The following WNK2 variants were observed in gnomAD, a reference collection of about 807,000 sequenced individuals.
The protein encoded by WNK2 is serine/threonine-protein kinase WNK2.
WNK2 carries 67 observed loss-of-function variants against 192.1 expected under a neutral mutation model. That is an observed-to-expected ratio of 0.35 (90% CI 0.29 to 0.43). The LOEUF (loss-of-function observed/expected upper bound fraction) is 0.43. Ranked by LOEUF, WNK2 falls within the 20% of genes least tolerant of loss-of-function variation. The pLI, the probability that WNK2 is intolerant of heterozygous loss-of-function variation, is 1.00. For synonymous variants in WNK2, 1,439 were observed against 1,393.9 expected (o/e 1.03, Z -0.72); for missense variants, 2,698 against 3,089.7 (o/e 0.87, Z 3.01).
At chr9:93,243,464 C>A (rs1259951434) in intron 7 of WNK2, among the ~76,000 whole-genome samples, 1 of 152,316 alleles carries the variant, frequency 6.6e-6, no homozygotes, top group African/African-American at 2.4e-5. Context: ...AGCACCTTCA[C>A]CCCCGCTTCT....
At chr9:93,225,661 AATGAAATCTTTTAC>A (rs1837690624) in intron 2 of WNK2, among the ~76,000 whole-genome samples, 1 of 152,210 alleles carries the variant, frequency 6.6e-6, no homozygotes. Context: ...CTGAAACTAC[AATGAAATCTTTTAC>A]ACGTTACTGT....
At chr9:93,191,636 G>A (rs1331838691) in intron 2 of WNK2, among the ~76,000 whole-genome samples, 1 of 152,066 alleles carries the variant, frequency 6.6e-6, no homozygotes, top group Non-Finnish European at 1.5e-5. Context: ...TTACAGGGCT[G>A]GTACTGGGTG....
chr9:93,288,742 GGACTGGA>G, intron 19 of WNK2, 39 bp from the exon 20 acceptor site: 20 of 1,534,728 alleles, frequency 1.3e-5, no homozygotes, highest in Non-Finnish European at 1.7e-5. Context: ...CAGGTAGATA[GGACTGGA>G]GTACCCTGGT....
At chr9:93,290,289 G>A (rs1223840738) in intron 21 of WNK2, among the ~76,000 whole-genome samples, 1 of 151,822 alleles carries the variant, frequency 6.6e-6, no homozygotes, top group African/African-American at 2.4e-5. Context: ...GGCCCAAGAC[G>A]GCTTTGAATG....
chr9:93,196,502 A>G (rs1429899182), intron 2 of WNK2, among the ~76,000 whole-genome samples: 2 of 152,140 alleles, frequency 1.3e-5, no homozygotes, highest in African/African-American at 4.8e-5. Flanking sequence ...TGGCTACAGT[A>G]GGGCTGCCAC....
intron 2 of WNK2, among the ~76,000 whole-genome samples, chr9:93,189,700 A>G (rs1252637655): frequency 6.6e-6 from 1 of 152,246 alleles, no homozygotes; most frequent in African/African-American, 2.4e-5. Flanking sequence ...CGCCAGTGCC[A>G]GTGCTGAGCT....
At chr9:93,288,062 G>A (rs937089280) in intron 19 of WNK2, among the ~76,000 whole-genome samples, 6 of 152,144 alleles carry the variant, frequency 3.9e-5, no homozygotes, top group Admixed American at 1.3e-4. Flanking sequence ...AAGAAAGGTC[G>A]GGTTGCATTT....
At chr9:93,252,394 G>A (rs1252372900) in intron 8 of WNK2, among the ~76,000 whole-genome samples, 5 of 152,264 alleles carry the variant, frequency 3.3e-5, no homozygotes, top group Non-Finnish European at 7.3e-5. Context: ...CTCTGCGGGT[G>A]TTGAGGGCAC....
intron 28 of WNK2, among the ~76,000 whole-genome samples, chr9:93,310,935 G>A (rs1375674229): frequency 6.6e-6 from 1 of 152,160 alleles, no homozygotes; most frequent in Non-Finnish European, 1.5e-5. Flanking sequence ...CTGTACTCCA[G>A]CCTGGGTGAC....
At chr9:93,272,567 C>T (rs1435940585) in intron 19 of WNK2, among the ~76,000 whole-genome samples, 4 of 151,972 alleles carry the variant, frequency 2.6e-5, no homozygotes, top group South Asian at 2.1e-4. Flanking sequence ...GGAGAAACCT[C>T]GTCTCTACTA....
chr9:93,207,150 G>A (rs1217059290), intron 2 of WNK2, among the ~76,000 whole-genome samples: 1 of 152,148 alleles, frequency 6.6e-6, no homozygotes, highest in South Asian at 2.1e-4. Flanking sequence ...GAACCCTCAG[G>A]CATTATTGTT....
chr9:93,187,820 T>G (rs1829613815), intron 2 of WNK2, among the ~76,000 whole-genome samples: 1 of 150,838 alleles, frequency 6.6e-6, no homozygotes, highest in Non-Finnish European at 1.5e-5. Context: ...GCTGGGCGTG[T>G]GGAACGGAAG....
Position 93,275,110 on chromosome 9 carries a change from T to C in WNK2, c.4033+6364T>C, listed in dbSNP as rs147044589. Among the ~76,000 whole-genome samples the C allele has an allele frequency of 5.3e-3, 800 of 152,234 alleles. 6 individuals are homozygous for C. Among genetic ancestry groups the C allele is most frequent in the African/African-American group, 0.018 (751 of 41,534 alleles). Reference sequence around the variant, plus strand: ...GTGGGTATATGCTGGGAGAGCAATATTGAAGAGTCAGTCCACCATATTAAT... The same window carrying C: ...GTGGGTATATGCTGGGAGAGCAATACTGAAGAGTCAGTCCACCATATTAAT... On this transcript the variant is annotated intron_variant, in intron 19 of 29. Transcript: ENST00000427277.
chr9:93,293,073 G>A lies in WNK2; in HGVS notation c.5608G>A (p.Val1870Met), dbSNP rs139955582. Residue 1870 changes from valine to methionine, a missense_variant, in exon 23 of 30, where the codon GTG (valine) becomes ATG (methionine). Val to Met is a conservative substitution (Grantham distance 21, BLOSUM62 1). Transcript: ENST00000427277. Reference sequence around the variant, plus strand: ...GGGCATGAAGGTCCCCACGATCAGCGTGACCTCCTTCCATTCCCAGTCGTC... The same window carrying A: ...GGGCATGAAGGTCCCCACGATCAGCATGACCTCCTTCCATTCCCAGTCGTC... ...RVGMKVPTIS[V>M]TSFHSQSSYI... is the part of the protein sequence containing the mutation. 10 of 1,609,726 alleles carry A rather than the reference G, an allele frequency of 6.2e-6. No individual in the cohort carries two copies. Among genetic ancestry groups the A allele is most frequent in the East Asian group, 4.5e-5 (2 of 44,818 alleles).
At chr9:93,210,097 G>T (rs549894576) in intron 2 of WNK2, among the ~76,000 whole-genome samples, 1 of 152,300 alleles carries the variant, frequency 6.6e-6, no homozygotes, top group East Asian at 1.9e-4. Context: ...CTGCCCACTT[G>T]GGTGAGCAGG....
At chr9:93,286,594 A>G (rs1208666839) in intron 19 of WNK2, among the ~76,000 whole-genome samples, 2 of 152,192 alleles carry the variant, frequency 1.3e-5, no homozygotes, top group Non-Finnish European at 2.9e-5. Flanking sequence ...ATTATGGAAA[A>G]CAATGTGGAC....
intron 2 of WNK2, among the ~76,000 whole-genome samples, chr9:93,201,823 G>T (rs952304590): frequency 6.6e-6 from 1 of 152,240 alleles, no homozygotes; most frequent in Non-Finnish European, 1.5e-5. Flanking sequence ...TCTGTTCCCC[G>T]AGGGGAGCGA....
intron 16 of WNK2, among the ~76,000 whole-genome samples, chr9:93,267,414 C>T (rs1406448934): frequency 6.6e-6 from 1 of 152,166 alleles, no homozygotes; most frequent in Non-Finnish European, 1.5e-5. Flanking sequence ...AGTCCCCGTC[C>T]TCGGCCCCCT....
chr9:93,202,325 CGTGTGTGTGTGTGTGTGTGTGTGT>C (rs761769543), intron 2 of WNK2, among the ~76,000 whole-genome samples: 1 of 130,564 alleles, frequency 7.7e-6, no homozygotes, highest in Non-Finnish European at 1.7e-5. Context: ...TCCGTGTGCA[CGTGTGTGTGTGTGTGTGTGTGTGT>C]GTGTGTGTGT....
Sources: allele counts gnomAD v4.1 joint callset (sites outside exome capture counted in the v4.1 genomes callset), GRCh38; gene constraint gnomAD v4.1.1; transcripts MANE v1.5; gene names NCBI Gene and HGNC (gene_info 2026-07-23, HGNC 2026-07-21).